ERGIC1: variants seen among roughly 807,000 people sequenced by gnomAD.
The protein encoded by ERGIC1 is endoplasmic reticulum-golgi intermediate compartment 1, also known as endoplasmic reticulum-Golgi intermediate compartment protein 1.
Under a neutral mutation model 38.3 loss-of-function variants are expected in ERGIC1, and 19 were observed. The observed-to-expected ratio is 0.50, with a 90% CI of 0.35 to 0.73. The LOEUF (loss-of-function observed/expected upper bound fraction) is 0.73, where lower values mean the gene tolerates loss of function less well. ERGIC1 is among the 30% of genes least tolerant of loss of function. The pLI, the probability that ERGIC1 is intolerant of heterozygous loss-of-function variation, is 0.01. For synonymous variants in ERGIC1, 124 were observed against 157.6 expected, an observed-to-expected ratio of 0.79 and a Z score of 1.60; for missense variants, 294 against 389.2, an observed-to-expected ratio of 0.76 and a Z score of 2.06.
intron 1 of ERGIC1, among the ~76,000 whole-genome samples, chr5:172,849,165 C>T (rs187921148): frequency 3.3e-5 from 5 of 152,298 alleles, no homozygotes; most frequent in Admixed American, 2.0e-4. Flanking sequence ...AGTAACAAAC[C>T]CAAGCCCTAG....
intron 3 of ERGIC1, among the ~76,000 whole-genome samples, chr5:172,903,081 G>A (rs1762926820): frequency 6.6e-6 from 1 of 151,290 alleles, no homozygotes; most frequent in South Asian, 2.1e-4. Context: ...GCCATCTGGC[G>A]TCCCCCACCT....
At chr5:172,931,857 C>CTTTTTTTTTT (rs375589121) in intron 7 of ERGIC1, among the ~76,000 whole-genome samples, 1 of 123,086 alleles carries the variant, frequency 8.1e-6, no homozygotes, top group Non-Finnish European at 1.7e-5. Flanking sequence ...AGCACCCACA[C>CTTTTTTTTTT]TTTTTTTTTT....
rs1275287395 is a variant in ERGIC1, at chr5:172,924,013, C to A, written c.384C>A (p.Gly128=). ...EGQFSINKVP[G]NFHVSTHSAT... is the part of the protein sequence containing the mutation. The stretch of plus-strand genomic sequence containing the variant: ...TCACATTTCTCCCCCAGGTCCCCGG[C>A]AACTTCCACGTGTCCACACACAGTG... The change falls in exon 6 of 10, where the codon GGC becomes GGA. Residue 128 remains glycine (G), a synonymous_variant. Coordinates refer to ENST00000393784, the MANE Select transcript of ERGIC1 (RefSeq NM_001031711.3). 1 of 1,614,064 alleles carries A rather than the reference C, an allele frequency of 6.2e-7. No homozygotes were observed. Among genetic ancestry groups the A allele is most frequent in the Non-Finnish European group, 8.5e-7 (1 of 1,180,032 alleles).
chr5:172,838,888 T>G (rs564935444), intron 1 of ERGIC1, among the ~76,000 whole-genome samples: 12 of 152,256 alleles, frequency 7.9e-5, no homozygotes, highest in Non-Finnish European at 1.3e-4. Context: ...TCTACCCTGC[T>G]GTTTCTTCCA....
intron 1 of ERGIC1, among the ~76,000 whole-genome samples, chr5:172,860,714 G>A (rs1223593565): frequency 6.6e-6 from 1 of 152,252 alleles, no homozygotes; most frequent in Non-Finnish European, 1.5e-5. Context: ...GACAAGGAGA[G>A]GGACTGGTGC....
intron 9 of ERGIC1, among the ~76,000 whole-genome samples, chr5:172,947,520 C>A (rs1196727723): frequency 6.6e-6 from 1 of 152,134 alleles, no homozygotes; most frequent in Admixed American, 6.5e-5. Flanking sequence ...TGAGGATTTC[C>A]CCTCCCCTCA....
At chr5:172,840,950 A>T (rs1476059424) in intron 1 of ERGIC1, among the ~76,000 whole-genome samples, 2 of 152,094 alleles carry the variant, frequency 1.3e-5, no homozygotes, top group African/African-American at 4.8e-5. Flanking sequence ...CTCACTGAGG[A>T]CTCTGAAGAG....
chr5:172,902,915 C>T (rs886868703), intron 3 of ERGIC1, among the ~76,000 whole-genome samples: 2 of 152,222 alleles, frequency 1.3e-5, no homozygotes, highest in African/African-American at 4.8e-5. Context: ...TAGATGTCAT[C>T]GAACTCATGC....
At chr5:172,941,044 C>T (rs1763999979) in intron 9 of ERGIC1, among the ~76,000 whole-genome samples, 1 of 152,128 alleles carries the variant, frequency 6.6e-6, no homozygotes, top group Non-Finnish European at 1.5e-5. Context: ...TTTGGGAGGC[C>T]AAGGTGGGCA....
At chr5:172,888,595 C>A in intron 1 of ERGIC1, 104 bp from the exon 2 acceptor site, 1 of 916,048 alleles carries the variant, frequency 1.1e-6, no homozygotes, top group Non-Finnish European at 1.8e-6. Context: ...TGGGAAGAAC[C>A]ATGGTTTGTT....
Position 172,834,330 on chromosome 5 carries a change from G to A in ERGIC1, c.-84G>A. On this transcript the variant is annotated 5_prime_UTR_variant, in exon 1 of 10. Transcript: ENST00000393784. The surrounding 1 kb of genome is among the most constrained non-coding windows in gnomAD (Gnocchi z 4.1). Reference sequence around the variant, plus strand: ...GCGGCCGGCGGGGGCGGGGCGGCCGGAGGAGGCGTTGGCAGCGGGCTCGGA... The same window carrying A: ...GCGGCCGGCGGGGGCGGGGCGGCCGAAGGAGGCGTTGGCAGCGGGCTCGGA... The A allele has an allele frequency of 8.5e-7, 1 of 1,173,176 alleles. No homozygotes were observed. Among genetic ancestry groups the A allele is most frequent in the Non-Finnish European group, 1.1e-6 (1 of 948,262 alleles). 72.7% of individuals were successfully genotyped at this position (1,173,176 alleles called of 1,614,324 possible).
intron 1 of ERGIC1, among the ~76,000 whole-genome samples, chr5:172,839,598 C>T (rs1761111005): frequency 6.6e-6 from 1 of 151,490 alleles, no homozygotes; most frequent in African/African-American, 2.4e-5. Context: ...CACACACATA[C>T]ACACACATAC....
chr5:172,951,130 C>T lies in ERGIC1; in HGVS notation c.*314C>T, dbSNP rs1764220991. On this transcript the variant is annotated 3_prime_UTR_variant, in exon 10 of 10. Transcript: ENST00000393784. ...CTAGGAGAGCTGCAGTCTCTTCCCT[C>T]AGGGGAACATCCCAGAATGCATATC... 1 of 238,988 alleles carries T rather than the reference C, an allele frequency of 4.2e-6. No individual in the cohort carries two copies. The highest frequency in any genetic ancestry group is 8.1e-6 in the Non-Finnish European group (1 of 122,738). The allele number at this position is 238,988 out of a possible 1,614,324, so 14.8% of individuals were successfully genotyped here.
intron 3 of ERGIC1, among the ~76,000 whole-genome samples, chr5:172,899,403 C>G (rs145673662): frequency 7.0e-6 from 1 of 142,164 alleles, no homozygotes; most frequent in Admixed American, 6.9e-5. Context: ...CTGCAAGCTC[C>G]GCCTCCCGAG....
At chr5:172,948,808 G>T (rs7725033) in intron 9 of ERGIC1, among the ~76,000 whole-genome samples, 12,132 of 152,184 alleles carry the variant, frequency 0.08, 1,363 homozygotes, top group African/African-American at 0.25. Flanking sequence ...TAGCACTTTG[G>T]GGGGCTGAGA....
intron 1 of ERGIC1, among the ~76,000 whole-genome samples, chr5:172,845,276 G>T (rs933686951): frequency 6.6e-6 from 1 of 152,132 alleles, no homozygotes; most frequent in East Asian, 1.9e-4. Flanking sequence ...GCCTTGGGGG[G>T]CCCTGGTTGC....
chr5:172,947,281 C>G (rs115222483), intron 9 of ERGIC1, among the ~76,000 whole-genome samples: 6,044 of 152,162 alleles, frequency 0.04, 179 homozygotes, highest in Middle Eastern at 0.068. Flanking sequence ...ACCTCCTGGG[C>G]TCAAATGATC....
chr5:172,935,076 A>G, intron 8 of ERGIC1, 112 bp from the exon 9 acceptor site: 3 of 1,504,044 alleles, frequency 2.0e-6, no homozygotes, highest in Non-Finnish European at 1.8e-6. Context: ...TTCGTGGGGC[A>G]GAGAGGGAGG....
chr5:172,859,519 C>T (rs550133070), intron 1 of ERGIC1, among the ~76,000 whole-genome samples: 4 of 152,330 alleles, frequency 2.6e-5, no homozygotes, highest in South Asian at 4.1e-4. Context: ...GTCACAGTGC[C>T]GTCCCAAGCC....
Sources: gnomAD v4.1 joint callset for allele counts (sites outside exome capture counted in the v4.1 genomes callset) on GRCh38, gnomAD v4.1.1 for gene constraint, Gnocchi (gnomAD v3.1) non-coding constraint, MANE v1.5 for transcripts, NCBI Gene and HGNC (gene_info 2026-07-23, HGNC 2026-07-21) for gene names.